Variants in PCDHGB5 observed in about 807,000 individuals in gnomAD.
PCDHGB5 encodes protocadherin gamma subfamily B, 5, also known as protocadherin gamma-B5.
Under a neutral mutation model 62.9 loss-of-function variants are expected in PCDHGB5, and 48 were observed. The observed-to-expected ratio is 0.76, with a 90% CI of 0.61 to 0.97. PCDHGB5 has a LOEUF of 0.97. Ranked by LOEUF, PCDHGB5 falls within the 50% of genes least tolerant of loss-of-function variation. The pLI, the probability that PCDHGB5 is intolerant of heterozygous loss-of-function variation, is 0.00. For missense variants in PCDHGB5, 1,118 were observed against 1,198.6 expected (o/e 0.93, Z 0.99); for synonymous variants, 474 against 511.2 (o/e 0.93, Z 0.98).
At chr5:141,481,913 C>CAAAAAA (rs34114744) in intron 1 of PCDHGB5, among the ~76,000 whole-genome samples, 2 of 90,846 alleles carry the variant, frequency 2.2e-5, no homozygotes, top group Non-Finnish European at 4.4e-5. Flanking sequence ...AACTCCATCT[C>CAAAAAA]AAAAAAAAAA....
At position 141,432,143 on chromosome 5, in the gene PCDHGB5, C is replaced by A; in HGVS notation, c.2397+31619C>A. The A allele has an allele frequency of 6.2e-7, 1 of 1,614,084 alleles. No homozygotes were observed. Among genetic ancestry groups the A allele is most frequent in the South Asian group, 1.1e-5 (1 of 91,068 alleles). On this transcript the variant is annotated intron_variant, in intron 1 of 3. Transcript: ENST00000617380. The surrounding 1 kb of genome is among the most constrained non-coding windows in gnomAD (Gnocchi z 6.0). ...TCAGGCCTCCTATTCCGCTTATATC[C>A]CAGAGAACAATCCCAGAGGAGTTTC... is the stretch of plus-strand genomic sequence containing the variant.
At chr5:141,437,741 C>CT (rs35124340) in intron 1 of PCDHGB5, among the ~76,000 whole-genome samples, 18,734 of 141,656 alleles carry the variant, frequency 0.13, 1,459 homozygotes, top group African/African-American at 0.22. Context: ...TTGAGTTCAC[C>CT]TTTTTTTTTT....
At chr5:141,413,970 G>A in intron 1 of PCDHGB5, 1 of 1,613,450 alleles carries the variant, frequency 6.2e-7, no homozygotes, top group Non-Finnish European at 8.5e-7. Flanking sequence ...GCACTCAGCT[G>A]CTGACAGTCA....
intron 1 of PCDHGB5, among the ~76,000 whole-genome samples, chr5:141,450,223 G>A (rs1458841129): frequency 2.0e-5 from 3 of 151,818 alleles, no homozygotes; most frequent in Non-Finnish European, 4.4e-5. Context: ...TCACTATGTT[G>A]GCCAGGCTAG....
At chr5:141,401,570 C>T (rs192915698) in intron 1 of PCDHGB5, among the ~76,000 whole-genome samples, 2 of 152,290 alleles carry the variant, frequency 1.3e-5, no homozygotes, top group Admixed American at 1.3e-4. Context: ...ATTTCTCTTG[C>T]TCGGAATCCT....
chr5:141,475,908 A>G (rs531350638), intron 1 of PCDHGB5: 110 of 585,688 alleles, frequency 1.9e-4, no homozygotes, highest in Non-Finnish European at 2.5e-4. Context: ...CTGTCGGCCA[A>G]TGAAGACGCT....
chr5:141,510,323 C>A (rs1173679711), intron 3 of PCDHGB5, among the ~76,000 whole-genome samples: 1 of 151,234 alleles, frequency 6.6e-6, no homozygotes, highest in East Asian at 2.0e-4. Flanking sequence ...TGGAAGAGCA[C>A]TCTTCACCCC....
At chr5:141,429,329 A>G (rs1561840804) in intron 1 of PCDHGB5, among the ~76,000 whole-genome samples, 1 of 152,122 alleles carries the variant, frequency 6.6e-6, no homozygotes, top group Non-Finnish European at 1.5e-5. Flanking sequence ...TCTTTAATCC[A>G]TTAACTATAA....
chr5:141,472,486 G>A (rs1300618918), intron 1 of PCDHGB5, among the ~76,000 whole-genome samples: 1 of 152,050 alleles, frequency 6.6e-6, no homozygotes, highest in Non-Finnish European at 1.5e-5. Flanking sequence ...CTTGCAGTGA[G>A]ACGAGATCGT....
chr5:141,473,367 T>C (rs1343477225), intron 1 of PCDHGB5, among the ~76,000 whole-genome samples: 1 of 152,178 alleles, frequency 6.6e-6, no homozygotes, highest in Non-Finnish European at 1.5e-5. Flanking sequence ...GCCACCAAAA[T>C]AGCATGGTCC....
At chr5:141,410,078 G>A (rs1258292051) in intron 1 of PCDHGB5, 1 of 1,612,820 alleles carries the variant, frequency 6.2e-7, no homozygotes, top group Non-Finnish European at 8.5e-7. Flanking sequence ...CACTGGGGAG[G>A]TGCGCACGGC....
intron 1 of PCDHGB5, chr5:141,478,768 A>G: frequency 6.7e-7 from 1 of 1,501,046 alleles, no homozygotes; most frequent in African/African-American, 1.4e-5. Context: ...TACTTGACTC[A>G]TCTGTGGACC....
intron 1 of PCDHGB5, among the ~76,000 whole-genome samples, chr5:141,437,364 T>C (rs1026384836): frequency 6.6e-6 from 1 of 152,232 alleles, no homozygotes; most frequent in African/African-American, 2.4e-5. Flanking sequence ...AAAATTGGAA[T>C]GTAATCAGTC....
chr5:141,459,573 T>TTC (rs2098970689), intron 1 of PCDHGB5, among the ~76,000 whole-genome samples: 1 of 152,208 alleles, frequency 6.6e-6, no homozygotes, highest in Non-Finnish European at 1.5e-5. Context: ...CAAAACAGAA[T>TTC]TGTTTTGGGG....
intron 1 of PCDHGB5, among the ~76,000 whole-genome samples, chr5:141,452,579 A>G (rs1320327475): frequency 6.6e-6 from 1 of 151,944 alleles, no homozygotes; most frequent in Non-Finnish European, 1.5e-5. Context: ...CCCCCTTTCC[A>G]TCTTTGTATT....
At chr5:141,455,661 T>TG (rs2098828692) in intron 1 of PCDHGB5, among the ~76,000 whole-genome samples, 1 of 152,024 alleles carries the variant, frequency 6.6e-6, no homozygotes, top group South Asian at 2.1e-4. Context: ...CAGGAACTTG[T>TG]GGGGCAAGGG....
intron 1 of PCDHGB5, chr5:141,408,368 C>T: frequency 3.1e-6 from 5 of 1,613,992 alleles, no homozygotes; most frequent in Non-Finnish European, 4.2e-6. Context: ...GGATCTAGGG[C>T]TCAGTGTCCT....
At chr5:141,404,530 A>C in intron 1 of PCDHGB5, 1 of 1,614,008 alleles carries the variant, frequency 6.2e-7, no homozygotes, top group Non-Finnish European at 8.5e-7. Flanking sequence ...AGCAGTTTAG[A>C]GATTTGCAAA....
At chr5:141,451,926 T>G (rs994841982) in intron 1 of PCDHGB5, among the ~76,000 whole-genome samples, 5 of 151,122 alleles carry the variant, frequency 3.3e-5, no homozygotes, top group Non-Finnish European at 7.4e-5. Context: ...GGAAGGGAGG[T>G]AGGGAGGCAG....
Sources: allele counts gnomAD v4.1 joint callset (sites outside exome capture counted in the v4.1 genomes callset), GRCh38; gene constraint gnomAD v4.1.1; non-coding constraint Gnocchi (gnomAD v3.1); transcripts MANE v1.5; gene names NCBI Gene and HGNC (gene_info 2026-07-23, HGNC 2026-07-21).